Variants in SNX30 observed in about 807,000 individuals in gnomAD.
SNX30 encodes the protein sorting nexin family member 30.
In SNX30, 24 loss-of-function variants were observed where a neutral mutation model predicts 46.4. The ratio of observed to expected loss-of-function variants is 0.52; its 90% confidence interval spans 0.37 to 0.73. The LOEUF (loss-of-function observed/expected upper bound fraction) is 0.73, where lower values mean the gene tolerates loss of function less well. Ranked by LOEUF, SNX30 falls within the 30% of genes least tolerant of loss-of-function variation. The pLI is 0.00. For synonymous variants in SNX30, 189 were observed against 211.5 expected (o/e 0.89, Z 0.92); for missense variants, 533 against 555.7 (o/e 0.96, Z 0.41).
intron 1 of SNX30, among the ~76,000 whole-genome samples, chr9:112,787,708 A>G (rs1839952972): frequency 6.6e-6 from 1 of 151,586 alleles, no homozygotes; most frequent in Non-Finnish European, 1.5e-5. Flanking sequence ...TTGGTGCATA[A>G]TTTTTGGCCC....
rs1011238263 is a variant in SNX30 at position 112,750,956 on chromosome 9, G to T, written c.-46G>T. 5.8e-6 allele frequency: 7 copies of T among 1,199,428 alleles called. No homozygotes were observed. In the African/African-American group the frequency reaches 1.1e-4, roughly 19 times the overall value. The allele number at this position is 1,199,428 out of a possible 1,614,324, so 74.3% of individuals were successfully genotyped here. ...GGTGCTCGGGGAGCTCGCCGCGGCG[G>T]GCAGCAGGAGGAAGCGGCGGCGGCG... On this transcript the variant is annotated 5_prime_UTR_variant, in exon 1 of 9. Coordinates refer to ENST00000374232, the MANE Select transcript of SNX30 (RefSeq NM_001012994.2).
intron 2 of SNX30, among the ~76,000 whole-genome samples, chr9:112,816,558 A>G (rs1262664872): frequency 6.6e-6 from 1 of 152,244 alleles, no homozygotes; most frequent in African/African-American, 2.4e-5. Context: ...GTTGGGGGTC[A>G]GTCCAAGAAT....
chr9:112,784,024 A>G (rs1839883531), intron 1 of SNX30, among the ~76,000 whole-genome samples: 2 of 152,136 alleles, frequency 1.3e-5, no homozygotes, highest in African/African-American at 4.8e-5. Flanking sequence ...GGTTTATTCA[A>G]TTTTGCTAGA....
intron 1 of SNX30, among the ~76,000 whole-genome samples, chr9:112,770,604 C>G (rs1480440449): frequency 6.6e-6 from 1 of 152,206 alleles, no homozygotes; most frequent in Non-Finnish European, 1.5e-5. Flanking sequence ...CTTCTCTCTC[C>G]CCCTGCCCAC....
chr9:112,859,697 C>T (rs764530117), intron 7 of SNX30, among the ~76,000 whole-genome samples: 3 of 151,758 alleles, frequency 2.0e-5, no homozygotes, highest in Non-Finnish European at 4.4e-5. Flanking sequence ...CTGCAATCTC[C>T]GCCTCCCGGA....
intron 7 of SNX30, among the ~76,000 whole-genome samples, chr9:112,860,209 G>A (rs371641684): frequency 2.0e-5 from 3 of 152,190 alleles, no homozygotes; most frequent in African/African-American, 7.2e-5. Context: ...GGCTCCCAAA[G>A]TGCTGGGATT....
chr9:112,784,812 C>T (rs1839896144), intron 1 of SNX30, among the ~76,000 whole-genome samples: 1 of 152,182 alleles, frequency 6.6e-6, no homozygotes, highest in African/African-American at 2.4e-5. Flanking sequence ...CTCTCTGAAG[C>T]CTTCCTCGGA....
At chr9:112,771,275 G>C (rs868219953) in intron 1 of SNX30, among the ~76,000 whole-genome samples, 1 of 152,164 alleles carries the variant, frequency 6.6e-6, no homozygotes, top group African/African-American at 2.4e-5. Flanking sequence ...GCTAAATGCT[G>C]TGTGTATAAG....
At chr9:112,797,855 T>C (rs1355539485) in intron 1 of SNX30, among the ~76,000 whole-genome samples, 1 of 147,616 alleles carries the variant, frequency 6.8e-6, no homozygotes, top group Admixed American at 6.9e-5. Context: ...CACGCCACCG[T>C]GCCCAGCTAA....
chr9:112,856,519 G>T (rs1841132327), intron 7 of SNX30, among the ~76,000 whole-genome samples: 1 of 151,964 alleles, frequency 6.6e-6, no homozygotes, highest in Non-Finnish European at 1.5e-5. Context: ...GTCGTGTGGA[G>T]GTGACTGGGA....
chr9:112,857,980 T>A lies in SNX30; in HGVS notation c.1102-6267T>A, dbSNP rs80151766. Among the ~76,000 whole-genome samples the A allele has an allele frequency of 1.5e-3, 235 of 152,330 alleles. 1 individual carries two copies. The highest frequency in any genetic ancestry group is 8.9e-3 in the South Asian group (43 of 4,830). Reference sequence around the variant, plus strand: ...CCACGTGACTCTTCTGTCATTGCACTAACAACCTATATTCTGTAATGGAAA... The same window carrying A: ...CCACGTGACTCTTCTGTCATTGCACAAACAACCTATATTCTGTAATGGAAA... On this transcript the variant is annotated intron_variant, in intron 7 of 8. Coordinates refer to ENST00000374232, the MANE Select transcript of SNX30 (RefSeq NM_001012994.2).
intron 1 of SNX30, among the ~76,000 whole-genome samples, chr9:112,793,800 T>G (rs1840063956): frequency 6.9e-6 from 1 of 145,792 alleles, no homozygotes; most frequent in African/African-American, 2.6e-5. Flanking sequence ...CTCCACTGTT[T>G]TTTGTTTTTT....
intron 6 of SNX30, among the ~76,000 whole-genome samples, chr9:112,842,271 T>C (rs375587171): frequency 7.9e-5 from 12 of 152,334 alleles, no homozygotes; most frequent in African/African-American, 2.9e-4. Context: ...AGCTGCTGAA[T>C]GGTCCTCAGA....
At chr9:112,854,109 C>T (rs954555154) in intron 7 of SNX30, among the ~76,000 whole-genome samples, 2 of 152,222 alleles carry the variant, frequency 1.3e-5, no homozygotes, top group African/African-American at 2.4e-5. Context: ...ATATGTTCAT[C>T]CCTATACAGG....
chr9:112,879,579 A>G, downstream of SNX30: 2 of 557,386 alleles, frequency 3.6e-6, no homozygotes, highest in South Asian at 2.5e-5. Flanking sequence ...ATCACCAGGA[A>G]AGTGCTTTTC....
Position 112,809,820 on chromosome 9 carries a change from A to C in SNX30, c.348+4853A>C, listed in dbSNP as rs376742010. 6.6e-5 allele frequency among the ~76,000 whole-genome samples: 10 copies of C among 152,120 alleles called. No homozygotes were observed. The South Asian group carries it at 1.7e-3, about 25-fold the overall frequency. ...TAGAATTCTGGCAATGAAAACAAGC[A>C]TAGAGAGCAGTGGTCAGAAGTGGGC... On this transcript the variant is annotated intron_variant, in intron 2 of 8. Coordinates refer to ENST00000374232, the MANE Select transcript of SNX30 (RefSeq NM_001012994.2).
intron 2 of SNX30, among the ~76,000 whole-genome samples, chr9:112,809,916 TA>T: frequency 6.6e-6 from 1 of 152,084 alleles, no homozygotes. Flanking sequence ...GAGACTTGTT[TA>T]ACTGCCAGTT....
chr9:112,865,624 C>T (rs1401499932), intron 8 of SNX30, among the ~76,000 whole-genome samples: 2 of 79,006 alleles, frequency 2.5e-5, no homozygotes, highest in African/African-American at 5.7e-5. Context: ...CCTGTCACGC[C>T]ATATATATAT....
chr9:112,834,368 T>G (rs866727660), intron 4 of SNX30, among the ~76,000 whole-genome samples: 15 of 152,298 alleles, frequency 9.8e-5, no homozygotes, highest in South Asian at 4.2e-4. Flanking sequence ...AAGTTGGGCT[T>G]CCCGTGACCT....
Sources: allele counts gnomAD v4.1 joint callset (sites outside exome capture counted in the v4.1 genomes callset), GRCh38; gene constraint gnomAD v4.1.1; transcripts MANE v1.5; gene names NCBI Gene and HGNC (gene_info 2026-07-23, HGNC 2026-07-21).